SCN9A: variants seen among roughly 807,000 people sequenced by gnomAD.
SCN9A encodes the protein sodium voltage-gated channel alpha subunit 9.
A neutral mutation model predicts 187.0 loss-of-function variants in SCN9A; 131 were observed. The ratio of observed to expected loss-of-function variants is 0.70; its 90% CI spans 0.61 to 0.81. The LOEUF is 0.81. SCN9A is among the 30% of genes least tolerant of loss of function. The pLI, the probability that SCN9A is intolerant of heterozygous loss-of-function variation, is 0.00. For missense variants in SCN9A, 2,252 were observed against 2,396.6 expected, an observed-to-expected ratio of 0.94 and a Z score of 1.26; for synonymous variants, 809 against 808.6, an observed-to-expected ratio of 1.00 and a Z score of -0.01.
intron 1 of SCN9A, among the ~76,000 whole-genome samples, chr2:166,347,819 T>A (rs1699937927): frequency 6.6e-6 from 1 of 152,176 alleles, no homozygotes; most frequent in Non-Finnish European, 1.5e-5. Flanking sequence ...TTAAAGTTCA[T>A]GCCACAGAAT....
intron 7 of SCN9A, among the ~76,000 whole-genome samples, chr2:166,295,612 TTA>T (rs1297484973): frequency 6.6e-6 from 1 of 152,144 alleles, no homozygotes; most frequent in Admixed American, 6.5e-5. Context: ...GAGATCACCA[TTA>T]TATATATGGT....
intron 2 of SCN9A, among the ~76,000 whole-genome samples, chr2:166,310,018 C>T (rs1472733715): frequency 4.1e-5 from 5 of 121,648 alleles, no homozygotes; most frequent in Non-Finnish European, 8.7e-5. Flanking sequence ...CCCTATTTAA[C>T]AAATGGTGCT....
intron 1 of SCN9A, among the ~76,000 whole-genome samples, chr2:166,371,786 T>C (rs988048447): frequency 1.3e-5 from 2 of 152,206 alleles, no homozygotes; most frequent in Non-Finnish European, 2.9e-5. Flanking sequence ...CTTCAATTAG[T>C]ACACAGATGC....
intron 1 of SCN9A, among the ~76,000 whole-genome samples, chr2:166,371,318 A>G (rs1700556628): frequency 6.6e-6 from 1 of 152,234 alleles, no homozygotes; most frequent in Non-Finnish European, 1.5e-5. Flanking sequence ...GTGGCAGATT[A>G]TGCTTACTGG....
intron 1 of SCN9A, among the ~76,000 whole-genome samples, chr2:166,365,530 C>T (rs1010733034): frequency 4.6e-5 from 7 of 152,004 alleles, no homozygotes; most frequent in African/African-American, 1.7e-4. Context: ...CAAGAAAAAC[C>T]CTCATCTTCT....
chr2:166,237,943 T>G (rs569130903), intron 20 of SCN9A, 151 bp downstream of exon 20: 1 of 536,578 alleles, frequency 1.9e-6, no homozygotes, highest in East Asian at 3.1e-5. Context: ...CCACTGGCTG[T>G]GTTAATATTT....
intron 19 of SCN9A, among the ~76,000 whole-genome samples, chr2:166,238,894 T>C (rs1695438551): frequency 6.6e-6 from 1 of 152,220 alleles, no homozygotes; most frequent in Non-Finnish European, 1.5e-5. Flanking sequence ...ATTCTCTCCA[T>C]TAATGCGGTG....
At chr2:166,252,643 G>A (rs1696097236) in intron 17 of SCN9A, among the ~76,000 whole-genome samples, 1 of 151,742 alleles carries the variant, frequency 6.6e-6, no homozygotes, top group Non-Finnish European at 1.5e-5. Flanking sequence ...AAAGATCGAA[G>A]AAAATTAAAC....
chr2:166,264,316 G>T (rs764686874), intron 17 of SCN9A, among the ~76,000 whole-genome samples: 3 of 151,886 alleles, frequency 2.0e-5, no homozygotes, highest in African/African-American at 7.2e-5. Flanking sequence ...TTAATGTTTG[G>T]AGTGTGCTTG....
At chr2:166,342,027 CATAA>C (rs1699798593) in intron 1 of SCN9A, among the ~76,000 whole-genome samples, 1 of 152,004 alleles carries the variant, frequency 6.6e-6, no homozygotes, top group Non-Finnish European at 1.5e-5. Context: ...GCATGTGTGG[CATAA>C]ATGTTTGTCA....
At chr2:166,249,773 GT>G (rs1320636099) in intron 18 of SCN9A, among the ~76,000 whole-genome samples, 2 of 152,084 alleles carry the variant, frequency 1.3e-5, no homozygotes, top group African/African-American at 2.4e-5. Flanking sequence ...TTCTGTAAGA[GT>G]TTAAGTTTTT....
chr2:166,323,306 C>G (rs1699287084), intron 1 of SCN9A, among the ~76,000 whole-genome samples: 2 of 152,146 alleles, frequency 1.3e-5, no homozygotes, highest in African/African-American at 4.8e-5. Flanking sequence ...TTTAGAGACT[C>G]TGTGTGCCTG....
chr2:166,217,107 G>A (rs536882898), intron 24 of SCN9A, among the ~76,000 whole-genome samples: 1 of 152,126 alleles, frequency 6.6e-6, no homozygotes, highest in South Asian at 2.1e-4. Context: ...TAAACAATGG[G>A]GGAAAGGACG....
chr2:166,354,364 C>T (rs1483903654), intron 1 of SCN9A, among the ~76,000 whole-genome samples: 1 of 150,860 alleles, frequency 6.6e-6, no homozygotes, highest in African/African-American at 2.4e-5. Flanking sequence ...TTTTTTTTTC[C>T]CCAGCCATAA....
chr2:166,238,639 C>T (rs1695425996), intron 19 of SCN9A, among the ~76,000 whole-genome samples: 1 of 152,168 alleles, frequency 6.6e-6, no homozygotes, highest in African/African-American at 2.4e-5. Context: ...CTGTTATAAA[C>T]TTTTCACATC....
Position 166,211,045 on chromosome 2 carries a change from C to A in SCN9A, c.4399-6581G>T, listed in dbSNP as rs189984430. Among the ~76,000 whole-genome samples the A allele has an allele frequency of 6.5e-4, 90 of 138,074 alleles. 1 individual carries two copies. The East Asian group carries it at 0.018, about 27-fold the overall frequency. 90.6% of individuals were successfully genotyped at this position (138,074 alleles called of 152,430 possible). A position where few individuals can be genotyped will look rare whatever the true frequency, so the allele number is the denominator to read the frequency against. On this transcript the variant is annotated intron_variant, in intron 24 of 26. Transcript: ENST00000642356. The stretch of plus-strand genomic sequence containing the variant: ...CTACTGCACTCCAGCCTGGGCAACA[C>A]GGTGAAACTCTATCTCGGAAAAAAA...
intron 17 of SCN9A, among the ~76,000 whole-genome samples, chr2:166,271,874 AAGAG>A (rs147667733): frequency 2.7e-5 from 4 of 149,644 alleles, no homozygotes; most frequent in Non-Finnish European, 4.5e-5. Context: ...TAAAAAAAAG[AAGAG>A]AGAGAGAGAG....
intron 15 of SCN9A, 78 bp downstream of exon 15, chr2:166,278,062 A>C: frequency 8.1e-7 from 1 of 1,239,408 alleles, no homozygotes; most frequent in Non-Finnish European, 1.1e-6. Flanking sequence ...AAATTCCCAA[A>C]AGTTTTTAAA....
chr2:166,290,799 C>G (rs1698028707), intron 9 of SCN9A, among the ~76,000 whole-genome samples: 1 of 152,028 alleles, frequency 6.6e-6, no homozygotes, highest in East Asian at 1.9e-4. Context: ...TAAATGTAAT[C>G]CATCACATAA....
Sources: gnomAD v4.1 joint callset for allele counts (sites outside exome capture counted in the v4.1 genomes callset) on GRCh38, gnomAD v4.1.1 for gene constraint, MANE v1.5 for transcripts, NCBI Gene and HGNC (gene_info 2026-07-23, HGNC 2026-07-21) for gene names.